SND1: variants seen among roughly 807,000 people sequenced by gnomAD.
SND1 encodes staphylococcal nuclease domain-containing protein 1.
Under a neutral mutation model 121.7 loss-of-function variants are expected in SND1, and 38 were observed. The observed-to-expected ratio is 0.31, with a 90% CI of 0.24 to 0.41. SND1 has a LOEUF of 0.41. SND1 is among the 10% of genes least tolerant of loss of function. The pLI is 1.00. For missense variants in SND1, 868 were observed against 1,184.6 expected, an observed-to-expected ratio of 0.73 and a Z score of 3.92; for synonymous variants, 401 against 447.4, an observed-to-expected ratio of 0.90 and a Z score of 1.31.
chr7:127,728,734 A>G (rs1796623255), intron 10 of SND1, among the ~76,000 whole-genome samples: 1 of 152,186 alleles, frequency 6.6e-6, no homozygotes, highest in Non-Finnish European at 1.5e-5. Context: ...CATTTAATAA[A>G]TGTTTGAATC....
intron 16 of SND1, among the ~76,000 whole-genome samples, chr7:127,997,014 T>C (rs1223315297): frequency 6.6e-6 from 1 of 152,234 alleles, no homozygotes; most frequent in African/African-American, 2.4e-5. Context: ...CAAACCTTAA[T>C]TTTATATAGC....
At chr7:127,658,419 A>T (rs935402016) in intron 1 of SND1, among the ~76,000 whole-genome samples, 3 of 152,226 alleles carry the variant, frequency 2.0e-5, no homozygotes, top group African/African-American at 7.2e-5. Flanking sequence ...AGTCCTGTGT[A>T]TTCCCAAAGT....
At chr7:128,021,597 C>G (rs1453019169) in intron 16 of SND1, among the ~76,000 whole-genome samples, 1 of 152,178 alleles carries the variant, frequency 6.6e-6, no homozygotes, top group Non-Finnish European at 1.5e-5. Flanking sequence ...TCTCAGTCAT[C>G]CTTGCTGACT....
intron 12 of SND1, among the ~76,000 whole-genome samples, chr7:127,862,811 T>C (rs78328088): frequency 1.4e-3 from 209 of 152,334 alleles, no homozygotes; most frequent in African/African-American, 4.8e-3. Context: ...ACGATATCTT[T>C]ATCAGCTCAG....
chr7:127,940,050 C>A lies in SND1; in HGVS notation c.1669+10721C>A, dbSNP rs555847212. 1.6e-4 allele frequency among the ~76,000 whole-genome samples: 25 copies of A among 152,238 alleles called. 1 individual carries two copies. The highest frequency in any genetic ancestry group is 6.8e-3 in the Middle Eastern group (2 of 294). On this transcript the variant is annotated intron_variant, in intron 15 of 23. Coordinates refer to ENST00000354725, the MANE Select transcript of SND1 (RefSeq NM_014390.4). The stretch of plus-strand genomic sequence containing the variant: ...GAGAAGGTCAGTCCTGTGAGCTTTT[C>A]CCTAGGTGTTCCTTTTCGGGCCCTT...
chr7:127,987,268 A>G (rs559140773), intron 15 of SND1, among the ~76,000 whole-genome samples: 14 of 152,306 alleles, frequency 9.2e-5, no homozygotes, highest in South Asian at 2.1e-4. Context: ...TTAGAACCCA[A>G]CTTTCTTTCC....
chr7:127,912,274 C>T (rs758881729), intron 14 of SND1, among the ~76,000 whole-genome samples: 1 of 152,140 alleles, frequency 6.6e-6, no homozygotes. Context: ...TTCAAAATTT[C>T]ATTGCAGCAG....
At chr7:127,901,015 T>G (rs1038720703) in intron 13 of SND1, among the ~76,000 whole-genome samples, 3 of 152,176 alleles carry the variant, frequency 2.0e-5, no homozygotes, top group African/African-American at 4.8e-5. Context: ...TGAAAAGGGA[T>G]GCAGACTTGT....
intron 8 of SND1, among the ~76,000 whole-genome samples, chr7:127,707,320 T>C (rs1796218651): frequency 6.6e-6 from 1 of 152,234 alleles, no homozygotes; most frequent in East Asian, 1.9e-4. Flanking sequence ...ACTTGAACCA[T>C]CTAGGCTCAA....
chr7:127,664,376 G>A (rs536189292), intron 1 of SND1, among the ~76,000 whole-genome samples: 1 of 152,144 alleles, frequency 6.6e-6, no homozygotes, highest in Non-Finnish European at 1.5e-5. Flanking sequence ...AATCACTGAT[G>A]GCCAGTCATT....
intron 5 of SND1, among the ~76,000 whole-genome samples, chr7:127,702,216 G>A (rs1454064861): frequency 6.6e-6 from 1 of 152,196 alleles, no homozygotes; most frequent in African/African-American, 2.4e-5. Flanking sequence ...CAGTTCAGAA[G>A]ACAGAGAAGC....
chr7:127,773,306 G>A (rs768240943), intron 10 of SND1, among the ~76,000 whole-genome samples: 1 of 151,880 alleles, frequency 6.6e-6, no homozygotes, highest in African/African-American at 2.4e-5. Context: ...CAAAAAATTA[G>A]CAAGGTGTGG....
intron 10 of SND1, among the ~76,000 whole-genome samples, chr7:127,780,748 T>G (rs1416873921): frequency 6.6e-6 from 1 of 152,246 alleles, no homozygotes; most frequent in African/African-American, 2.4e-5. Flanking sequence ...AATTAGACAA[T>G]GAGAAGAAGA....
chr7:127,758,656 A>G (rs1039851629), intron 10 of SND1, among the ~76,000 whole-genome samples: 5 of 152,340 alleles, frequency 3.3e-5, no homozygotes, highest in South Asian at 4.1e-4. Flanking sequence ...AAATTTTTAT[A>G]GTAGAACCTT....
At chr7:127,946,037 T>C (rs982075674) in intron 15 of SND1, among the ~76,000 whole-genome samples, 1 of 152,254 alleles carries the variant, frequency 6.6e-6, no homozygotes, top group African/African-American at 2.4e-5. Context: ...GCGTGTACTC[T>C]CTTATTGGCT....
At chr7:127,662,412 A>G (rs942369339) in intron 1 of SND1, among the ~76,000 whole-genome samples, 5 of 152,180 alleles carry the variant, frequency 3.3e-5, no homozygotes, top group Admixed American at 2.6e-4. Flanking sequence ...TTCTGTTGAT[A>G]TATGTTGTTT....
chr7:127,691,439 G>C (rs1023491619), intron 2 of SND1, among the ~76,000 whole-genome samples: 1 of 151,830 alleles, frequency 6.6e-6, no homozygotes, highest in Non-Finnish European at 1.5e-5. Flanking sequence ...GGCTACTCGG[G>C]AGGCTGAGGC....
chr7:127,779,642 G>GT (rs1325129932), intron 10 of SND1, among the ~76,000 whole-genome samples: 4 of 152,198 alleles, frequency 2.6e-5, no homozygotes, highest in African/African-American at 9.7e-5. Context: ...ACACTTAATG[G>GT]TTGGGGGTCA....
intron 12 of SND1, among the ~76,000 whole-genome samples, chr7:127,874,808 A>G (rs987351351): frequency 8.5e-5 from 13 of 152,200 alleles, no homozygotes; most frequent in Admixed American, 3.9e-4. Flanking sequence ...AATGTTTAAT[A>G]TATAATTTAG....
Sources: allele counts gnomAD v4.1 joint callset (sites outside exome capture counted in the v4.1 genomes callset), GRCh38; gene constraint gnomAD v4.1.1; transcripts MANE v1.5; gene names NCBI Gene and HGNC (gene_info 2026-07-23, HGNC 2026-07-21).